Variants in RANBP2 observed in about 807,000 individuals in gnomAD.
RANBP2 encodes the protein RAN binding protein 2, also known as E3 SUMO-protein ligase RanBP2.
Under a neutral mutation model 303.6 loss-of-function variants are expected in RANBP2, and 57 were observed. That is an observed-to-expected ratio of 0.19 (90% confidence interval 0.15 to 0.23). The LOEUF (loss-of-function observed/expected upper bound fraction) is 0.23, where lower values mean the gene tolerates loss of function less well. Among genes scored for constraint, RANBP2 ranks in the 10% least tolerant of loss-of-function variants. The probability of loss-of-function intolerance (pLI) is 1.00; values close to 1 mark genes in which losing one functional copy is unlikely to be tolerated. For missense variants in RANBP2, 3,138 were observed against 3,780.8 expected (o/e 0.83, Z 4.46); for synonymous variants, 1,167 against 1,301.5 (o/e 0.90, Z 2.23).
the RANBP2 span, among the ~76,000 whole-genome samples, chr2:108,858,361 C>CAAAA: frequency 6.6e-6 from 1 of 151,416 alleles, no homozygotes; most frequent in East Asian, 1.9e-4. Flanking sequence ...AACAAACAAA[C>CAAAA]AAAAAAAACA....
the RANBP2 span, among the ~76,000 whole-genome samples, chr2:109,157,604 G>A: frequency 1.3e-5 from 2 of 152,138 alleles, no homozygotes; most frequent in South Asian, 2.1e-4. Flanking sequence ...ATTGGAACTT[G>A]GGCTTCCTGA....
At chr2:108,997,657 C>T in the RANBP2 span, among the ~76,000 whole-genome samples, 19 of 151,180 alleles carry the variant, frequency 1.3e-4, no homozygotes, top group African/African-American at 3.7e-4. Flanking sequence ...TGTGAGAGGC[C>T]GAGGTGGGTG....
the RANBP2 span, among the ~76,000 whole-genome samples, chr2:109,387,865 G>T: frequency 6.6e-6 from 1 of 152,050 alleles, no homozygotes; most frequent in Non-Finnish European, 1.5e-5. Flanking sequence ...GGTTGGGGGG[G>T]GGGTCTCCTC....
chr2:108,779,586 A>G (rs1448765624), intron 25 of RANBP2, among the ~76,000 whole-genome samples: 1 of 151,598 alleles, frequency 6.6e-6, no homozygotes, highest in African/African-American at 2.4e-5. Context: ...TTTCTTTTTC[A>G]TGAGAGTTTT....
chr2:109,074,137 C>T, the RANBP2 span, among the ~76,000 whole-genome samples: 11 of 150,854 alleles, frequency 7.3e-5, no homozygotes, highest in Middle Eastern at 3.4e-3. Flanking sequence ...AAGGCCGAGA[C>T]GAGCAGATCA....
the RANBP2 span, among the ~76,000 whole-genome samples, chr2:108,913,878 A>T: frequency 2.1e-5 from 3 of 144,464 alleles, no homozygotes; most frequent in Non-Finnish European, 3.0e-5. Context: ...TGAACCCAGG[A>T]GGCGGAGCTT....
intron 6 of RANBP2, among the ~76,000 whole-genome samples, chr2:108,738,610 G>A (rs1695818830): frequency 6.6e-6 from 1 of 150,972 alleles, no homozygotes; most frequent in Non-Finnish European, 1.5e-5. Flanking sequence ...AAGCTCTATT[G>A]TGTGTTAATA....
the RANBP2 span, chr2:109,545,711 C>T: frequency 1.4e-6 from 2 of 1,453,192 alleles, no homozygotes; most frequent in South Asian, 1.5e-5. Context: ...AGGTCAGCAG[C>T]CATTAGCTGT....
chr2:109,613,691 G>T, the RANBP2 span: 1 of 748,898 alleles, frequency 1.3e-6, no homozygotes, highest in Non-Finnish European at 1.8e-6. Flanking sequence ...CGGAGGGGGC[G>T]CGGGTCACAA....
At chr2:108,858,361 CA>C in the RANBP2 span, among the ~76,000 whole-genome samples, 1 of 151,416 alleles carries the variant, frequency 6.6e-6, no homozygotes, top group Non-Finnish European at 1.5e-5. Context: ...AACAAACAAA[CA>C]AAAAAAACAC....
the RANBP2 span, among the ~76,000 whole-genome samples, chr2:109,331,438 C>T: frequency 2.0e-5 from 3 of 152,036 alleles, no homozygotes; most frequent in Non-Finnish European, 1.5e-5. Flanking sequence ...ACCAGGTTTG[C>T]AACTTCTCCC....
chr2:108,957,698 G>A, the RANBP2 span, among the ~76,000 whole-genome samples: 3 of 152,174 alleles, frequency 2.0e-5, no homozygotes, highest in Admixed American at 1.3e-4. Context: ...ATCCTTCACC[G>A]GGCCTACCAG....
chr2:108,856,510 A>G, the RANBP2 span, among the ~76,000 whole-genome samples: 1 of 152,238 alleles, frequency 6.6e-6, no homozygotes, highest in Non-Finnish European at 1.5e-5. Context: ...TGATACTAAT[A>G]GGCATTGTTT....
chr2:109,549,951 G>C, the RANBP2 span, among the ~76,000 whole-genome samples: 18 of 152,138 alleles, frequency 1.2e-4, no homozygotes, highest in African/African-American at 4.3e-4. Flanking sequence ...GTGTAAAGGG[G>C]GACTACTGTA....
At chr2:109,387,311 G>T in the RANBP2 span, among the ~76,000 whole-genome samples, 1 of 152,206 alleles carries the variant, frequency 6.6e-6, no homozygotes, top group South Asian at 2.1e-4. Context: ...GGGGGATCCT[G>T]TTGTGTCCCT....
chr2:109,018,471 T>TC, the RANBP2 span, among the ~76,000 whole-genome samples: 2 of 152,150 alleles, frequency 1.3e-5, no homozygotes, highest in African/African-American at 4.8e-5. Flanking sequence ...TATCCTTCTG[T>TC]CCCCCACCAT....
At chr2:108,787,735 A>T (rs1251709385), downstream of RANBP2, among the ~76,000 whole-genome samples, 1 of 151,996 alleles carries the variant, frequency 6.6e-6, no homozygotes, top group Non-Finnish European at 1.5e-5. Context: ...AAGTGTAAGA[A>T]TTATTTATTG....
chr2:109,097,746 T>A, the RANBP2 span, among the ~76,000 whole-genome samples: 1 of 151,038 alleles, frequency 6.6e-6, no homozygotes, highest in African/African-American at 2.4e-5. Flanking sequence ...GGTGTGTGTG[T>A]GTGTGTGTGT....
At chr2:109,508,102 C>T in the RANBP2 span, among the ~76,000 whole-genome samples, 1 of 152,142 alleles carries the variant, frequency 6.6e-6, no homozygotes, top group Non-Finnish European at 1.5e-5. Flanking sequence ...TCTTACAGCA[C>T]AATGAGGACC....
Sources: allele counts gnomAD v4.1 joint callset (sites outside exome capture counted in the v4.1 genomes callset), GRCh38; gene constraint gnomAD v4.1.1; transcripts MANE v1.5; gene names NCBI Gene and HGNC (gene_info 2026-07-23, HGNC 2026-07-21).